The following GABPB1 variants were observed in gnomAD, a reference collection of about 807,000 sequenced individuals.
GABPB1 encodes GA-binding protein subunit beta-1.
A neutral mutation model predicts 45.9 loss-of-function variants in GABPB1; 15 were observed. The ratio of observed to expected loss-of-function variants is 0.33; its 90% CI spans 0.22 to 0.50. The LOEUF (loss-of-function observed/expected upper bound fraction) is 0.50, where lower values mean the gene tolerates loss of function less well. Ranked by LOEUF, GABPB1 falls within the 20% of genes least tolerant of loss-of-function variation. The pLI, the probability that GABPB1 is intolerant of heterozygous loss-of-function variation, is 0.98. For missense variants in GABPB1, 252 were observed against 457.5 expected (o/e 0.55, Z 4.10); for synonymous variants, 143 against 154.4 (o/e 0.93, Z 0.55).
chr15:50,285,859 A>G, intron 8 of GABPB1: 1 of 1,349,518 alleles, frequency 7.4e-7, no homozygotes. Flanking sequence ...GACTGTTATA[A>G]ACAAATTCTT....
At chr15:50,307,177 C>A (rs2046978828) in intron 2 of GABPB1, among the ~76,000 whole-genome samples, 1 of 152,174 alleles carries the variant, frequency 6.6e-6, no homozygotes, top group Non-Finnish European at 1.5e-5. Context: ...TTCCATACTT[C>A]CACCAAAAAT....
chr15:50,344,800 T>C (rs2048504214), intron 1 of GABPB1, among the ~76,000 whole-genome samples: 1 of 152,034 alleles, frequency 6.6e-6, no homozygotes. Context: ...ATTGCGCCAT[T>C]GCACTCCAGC....
intron 5 of GABPB1, 51 bp downstream of exon 5, chr15:50,301,206 T>C (rs2046731016): frequency 3.1e-6 from 5 of 1,610,042 alleles, no homozygotes; most frequent in African/African-American, 1.3e-5. Flanking sequence ...GCCTATCCTA[T>C]ATGCATCTCA....
At chr15:50,334,859 T>C (rs1295660525) in intron 1 of GABPB1, among the ~76,000 whole-genome samples, 3 of 152,196 alleles carry the variant, frequency 2.0e-5, no homozygotes, top group African/African-American at 7.2e-5. Flanking sequence ...CACAGTAAGC[T>C]TGGTTGTTTT....
chr15:50,294,529 AT>A (rs10711860), intron 6 of GABPB1, among the ~76,000 whole-genome samples: 71,136 of 151,526 alleles, frequency 0.47, 18,059 homozygotes, highest in Middle Eastern at 0.64. Context: ...AAATAAATAA[AT>A]AAAATAAAAT....
intron 1 of GABPB1, among the ~76,000 whole-genome samples, chr15:50,348,002 C>T (rs1032252245): frequency 6.9e-5 from 10 of 145,290 alleles, no homozygotes; most frequent in Admixed American, 1.4e-4. Context: ...TAGATCACAC[C>T]ACTGCACTCC....
intron 1 of GABPB1, among the ~76,000 whole-genome samples, chr15:50,338,033 T>G (rs1159816700): frequency 6.6e-6 from 1 of 152,124 alleles, no homozygotes; most frequent in African/African-American, 2.4e-5. Context: ...TAGCAAAAGC[T>G]TAGTTTTTTT....
intron 1 of GABPB1, among the ~76,000 whole-genome samples, chr15:50,331,072 G>A (rs1362374146): frequency 2.6e-5 from 4 of 152,202 alleles, no homozygotes; most frequent in South Asian, 4.1e-4. Context: ...GAAGCATCAT[G>A]ATGCACAAGT....
intron 8 of GABPB1, 192 bp downstream of exon 8, chr15:50,285,876 C>T (rs763788722): frequency 7.4e-7 from 1 of 1,358,054 alleles, no homozygotes; most frequent in Non-Finnish European, 9.4e-7. Context: ...TCTTCACTCA[C>T]TCATTCATTC....
At chr15:50,321,928 A>T (rs1266477704) in intron 1 of GABPB1, among the ~76,000 whole-genome samples, 1 of 151,976 alleles carries the variant, frequency 6.6e-6, no homozygotes, top group African/African-American at 2.4e-5. Context: ...CAAGGCTGGA[A>T]CTTGCCTGGA....
At chr15:50,279,935 C>A (rs1185463658) in intron 8 of GABPB1, among the ~76,000 whole-genome samples, 1 of 152,144 alleles carries the variant, frequency 6.6e-6, no homozygotes, top group Non-Finnish European at 1.5e-5. Context: ...TTGACTCCTG[C>A]CCATTGTGAA....
chr15:50,279,812 T>C (rs1177193576), intron 8 of GABPB1, among the ~76,000 whole-genome samples: 1 of 152,144 alleles, frequency 6.6e-6, no homozygotes, highest in African/African-American at 2.4e-5. Flanking sequence ...AGGTCCACAG[T>C]GGACAAGACA....
chr15:50,287,919 A>ACCCC (rs1312466894), intron 7 of GABPB1, among the ~76,000 whole-genome samples: 15 of 152,106 alleles, frequency 9.9e-5, no homozygotes, highest in Non-Finnish European at 1.2e-4. Flanking sequence ...CCTTTCTTGA[A>ACCCC]ATCTGGTCTC....
At chr15:50,312,078 C>T (rs1463087043) in intron 1 of GABPB1, among the ~76,000 whole-genome samples, 1 of 152,142 alleles carries the variant, frequency 6.6e-6, no homozygotes, top group Non-Finnish European at 1.5e-5. Context: ...GGCGCAGCAG[C>T]TTACACCTGT....
intron 1 of GABPB1, among the ~76,000 whole-genome samples, chr15:50,339,781 T>C (rs2048284880): frequency 6.6e-6 from 1 of 152,202 alleles, no homozygotes; most frequent in African/African-American, 2.4e-5. Flanking sequence ...ATTATACCCA[T>C]ACACACTAAA....
intron 1 of GABPB1, chr15:50,351,039 T>G (rs1269261857): frequency 6.6e-6 from 1 of 152,226 alleles, no homozygotes; most frequent in Non-Finnish European, 1.5e-5. Context: ...GACACTTAGG[T>G]GTCTACCACC....
intron 1 of GABPB1, among the ~76,000 whole-genome samples, chr15:50,329,933 G>T (rs1224333188): frequency 6.7e-6 from 1 of 150,082 alleles, no homozygotes; most frequent in Non-Finnish European, 1.5e-5. Flanking sequence ...TGAAGGCAGG[G>T]TCTCATTCTG....
chr15:50,308,076 ATCTCAAGTCCTTATAGG>A (rs1009330062), intron 2 of GABPB1, among the ~76,000 whole-genome samples: 27 of 151,862 alleles, frequency 1.8e-4, no homozygotes, highest in South Asian at 8.3e-4. Context: ...CTAAAATTTT[ATCTCAAGTCCTTATAGG>A]TCTGCTTCTG....
chr15:50,289,440 A>T (rs1485739948), intron 7 of GABPB1, 43 bp downstream of exon 7: 4 of 1,373,742 alleles, frequency 2.9e-6, no homozygotes, highest in East Asian at 2.5e-5. Context: ...TAAAAATTAA[A>T]AAAAAAAAAC....
Sources: allele counts gnomAD v4.1 joint callset (sites outside exome capture counted in the v4.1 genomes callset), GRCh38; gene constraint gnomAD v4.1.1; transcripts MANE v1.5; gene names NCBI Gene and HGNC (gene_info 2026-07-23, HGNC 2026-07-21).